IL1RAPL1: variants seen among roughly 807,000 people sequenced by gnomAD.
IL1RAPL1 encodes the protein interleukin 1 receptor accessory protein like 1, also known as interleukin-1 receptor accessory protein-like 1.
In IL1RAPL1, 3 loss-of-function variants were observed where a neutral mutation model predicts 48.4. The observed-to-expected ratio is 0.06, with a 90% CI of 0.03 to 0.16. The LOEUF is 0.16. Among genes scored for constraint, IL1RAPL1 ranks in the 10% least tolerant of loss-of-function variants. The pLI is 1.00. For missense variants in IL1RAPL1, 349 were observed against 530.6 expected, an observed-to-expected ratio of 0.66 and a Z score of 3.36; for synonymous variants, 185 against 187.7, an observed-to-expected ratio of 0.99 and a Z score of 0.12.
intron 3 of IL1RAPL1, among the ~76,000 whole-genome samples, chrX:29,383,361 C>T (rs1419010716): frequency 8.9e-6 from 1 of 112,047 alleles, no homozygotes. Flanking sequence ...AAAATATTCT[C>T]TTCTTATATT....
Position 29,668,461 on chromosome X carries a change from G to C in IL1RAPL1, c.735G>C (p.Leu245Phe), listed in dbSNP as rs769905082. Residue 245 changes from leucine to phenylalanine, a missense_variant, in exon 6 of 11, where the codon TTG becomes TTC. This residue lies in a region of IL1RAPL1 where 238 missense variants were observed against 337.8 expected (regional missense o/e 0.70). Transcript: ENST00000378993. ...APLTDKPPKL[L>F]YPMESKLTIQ... ...TGACTGATAAGCCACCCAAGCTTTT[G>C]TATCCTATGGAAAGTAAACTGACAA... 2 of 1,208,060 alleles carry C rather than the reference G, an allele frequency of 1.7e-6. No homozygotes were observed. Among genetic ancestry groups the C allele is most frequent in the Non-Finnish European group, 2.2e-6 (2 of 893,528 alleles).
intron 1 of IL1RAPL1, among the ~76,000 whole-genome samples, chrX:28,725,941 AG>A (rs1168840222): frequency 8.9e-6 from 1 of 112,406 alleles, no homozygotes; most frequent in African/African-American, 3.2e-5. Flanking sequence ...GAAGAAAAAA[AG>A]TGAGGGATAC....
chrX:29,405,368 A>T (rs185390603), intron 5 of IL1RAPL1, among the ~76,000 whole-genome samples: 6,551 of 93,963 alleles, frequency 0.07, 856 homozygotes, highest in African/African-American at 0.25. Flanking sequence ...TTCTTTATTT[A>T]TTTATTTATT....
At chrX:29,423,182 A>G (rs775203561) in intron 5 of IL1RAPL1, among the ~76,000 whole-genome samples, 1 of 111,764 alleles carries the variant, frequency 8.9e-6, no homozygotes, top group South Asian at 3.7e-4. Context: ...TCTTTCCACC[A>G]ATTGCTAATC....
At chrX:28,978,077 T>A (rs73208079) in intron 2 of IL1RAPL1, among the ~76,000 whole-genome samples, 7,588 of 111,985 alleles carry the variant, frequency 0.068, 231 homozygotes, top group Middle Eastern at 0.26. Flanking sequence ...CAAGAGAGGA[T>A]GTTTTTAAGA....
chrX:29,236,535 CT>C (rs759738945), intron 2 of IL1RAPL1, among the ~76,000 whole-genome samples: 16,220 of 58,787 alleles, frequency 0.28, 1,974 homozygotes, highest in East Asian at 0.48. Flanking sequence ...CTTTCTTTTT[CT>C]TTTTTTTTCT....
intron 3 of IL1RAPL1, among the ~76,000 whole-genome samples, chrX:29,351,665 T>C (rs1443271937): frequency 8.9e-6 from 1 of 112,433 alleles, no homozygotes; most frequent in Non-Finnish European, 1.9e-5. Flanking sequence ...TTTGTAAGAA[T>C]GGATTTTGAT....
chrX:29,952,709 AT>A (rs1933343475), intron 9 of IL1RAPL1, among the ~76,000 whole-genome samples: 1 of 112,114 alleles, frequency 8.9e-6, no homozygotes, highest in Non-Finnish European at 1.9e-5. Flanking sequence ...AGAAAACTAG[AT>A]TTTGTTTTTT....
At chrX:28,989,597 TGTAGA>T (rs947133744) in intron 2 of IL1RAPL1, among the ~76,000 whole-genome samples, 4 of 112,343 alleles carry the variant, frequency 3.6e-5, no homozygotes, top group Admixed American at 1.9e-4. Context: ...AAATTCCTAC[TGTAGA>T]GTATTGACTG....
chrX:28,998,047 A>G lies in IL1RAPL1; in HGVS notation c.82+208622A>G, dbSNP rs1171658730. ...GGCTTGTCCAGGGACGACTTTTCCCAGGCAAGTGTTCTCTCTCCATTGGGT... is the reference window on the plus strand; with the variant it reads ...GGCTTGTCCAGGGACGACTTTTCCCGGGCAAGTGTTCTCTCTCCATTGGGT... On this transcript the variant is annotated intron_variant, in intron 2 of 10. Coordinates refer to ENST00000378993, the MANE Select transcript of IL1RAPL1 (RefSeq NM_014271.4). Among the ~76,000 whole-genome samples, 9 of 112,218 alleles carry G rather than the reference A, an allele frequency of 8.0e-5. No homozygotes were observed. In the Admixed American group the frequency reaches 8.5e-4, roughly 11 times the overall value.
intron 1 of IL1RAPL1, among the ~76,000 whole-genome samples, chrX:28,725,436 GT>G (rs1004243628): frequency 8.1e-5 from 9 of 111,584 alleles, no homozygotes; most frequent in African/African-American, 2.9e-4. Context: ...TATTTTGTGT[GT>G]TTTTAAAAAT....
At chrX:29,123,017 A>ATTTATTTT (rs1301188960) in intron 2 of IL1RAPL1, among the ~76,000 whole-genome samples, 1 of 106,761 alleles carries the variant, frequency 9.4e-6, no homozygotes, top group Non-Finnish European at 1.9e-5. Context: ...TTATTTATTT[A>ATTTATTTT]TTTATTTATT....
chrX:29,458,187 C>T (rs1163274607), intron 5 of IL1RAPL1, among the ~76,000 whole-genome samples: 3 of 112,177 alleles, frequency 2.7e-5, no homozygotes, highest in Non-Finnish European at 3.8e-5. Context: ...AGACCTTTGT[C>T]AGAGCATAGT....
At chrX:28,595,316 T>A (rs1291721144) in intron 1 of IL1RAPL1, among the ~76,000 whole-genome samples, 1 of 112,705 alleles carries the variant, frequency 8.9e-6, no homozygotes, top group Non-Finnish European at 1.9e-5. Context: ...CACACATACA[T>A]GATTTTTGTT....
intron 5 of IL1RAPL1, among the ~76,000 whole-genome samples, chrX:29,645,925 C>A (rs770950439): frequency 8.9e-6 from 1 of 112,305 alleles, no homozygotes; most frequent in South Asian, 3.7e-4. Context: ...TACCGGACAA[C>A]CTTTTCAAAA....
At chrX:28,829,768 C>T (rs769124889) in intron 2 of IL1RAPL1, among the ~76,000 whole-genome samples, 43 of 110,110 alleles carry the variant, frequency 3.9e-4, no homozygotes, top group Middle Eastern at 4.6e-3. Context: ...CCATGTTGGC[C>T]GGGCTGGTCT....
At chrX:29,704,537 C>T (rs746123708) in intron 6 of IL1RAPL1, among the ~76,000 whole-genome samples, 22 of 110,272 alleles carry the variant, frequency 2.0e-4, no homozygotes, top group Non-Finnish European at 3.6e-4. Context: ...GGCATGGTGG[C>T]GCGTGACTGT....
At chrX:29,434,649 A>G (rs1934461013) in intron 5 of IL1RAPL1, among the ~76,000 whole-genome samples, 1 of 111,178 alleles carries the variant, frequency 9.0e-6, no homozygotes, top group East Asian at 2.8e-4. Flanking sequence ...TTGTAAAACA[A>G]ATGAAGGCCA....
chrX:29,079,249 A>G, intron 2 of IL1RAPL1, among the ~76,000 whole-genome samples: 1 of 111,952 alleles, frequency 8.9e-6, no homozygotes, highest in East Asian at 2.8e-4. Flanking sequence ...GAAACCATCC[A>G]TCTACCCATT....
Sources: gnomAD v4.1 joint callset for allele counts (sites outside exome capture counted in the v4.1 genomes callset) on GRCh38, gnomAD v4.1.1 for gene constraint, gnomAD v4.1.1 regional missense constraint, MANE v1.5 for transcripts, NCBI Gene and HGNC (gene_info 2026-07-23, HGNC 2026-07-21) for gene names.